The following CDH18 variants were observed in gnomAD, a reference collection of about 807,000 sequenced individuals.
The protein encoded by CDH18 is cadherin-18.
CDH18 carries 31 observed loss-of-function variants against 67.9 expected under a neutral mutation model. The observed-to-expected ratio is 0.46, with a 90% CI of 0.34 to 0.62. The LOEUF (loss-of-function observed/expected upper bound fraction) is 0.62. Among genes scored for constraint, CDH18 ranks in the 20% least tolerant of loss-of-function variants. CDH18 has a pLI of 0.01. For missense variants in CDH18, 890 were observed against 975.5 expected, an observed-to-expected ratio of 0.91 and a Z score of 1.17; for synonymous variants, 362 against 347.2, an observed-to-expected ratio of 1.04 and a Z score of -0.48.
chr5:20,181,673 A>G (rs904352879), intron 2 of CDH18, among the ~76,000 whole-genome samples: 4 of 152,154 alleles, frequency 2.6e-5, no homozygotes, highest in African/African-American at 9.6e-5. Flanking sequence ...TCAAGTGAAC[A>G]ACACCAATAA....
intron 5 of CDH18, among the ~76,000 whole-genome samples, chr5:19,687,401 A>C (rs545742557): frequency 2.0e-5 from 3 of 152,320 alleles, no homozygotes; most frequent in South Asian, 4.1e-4. Flanking sequence ...CTTGTCTTAC[A>C]TTCACACAGA....
At chr5:20,201,898 T>C (rs1739478546) in intron 2 of CDH18, among the ~76,000 whole-genome samples, 1 of 152,172 alleles carries the variant, frequency 6.6e-6, no homozygotes, top group Non-Finnish European at 1.5e-5. Flanking sequence ...AAAGCAGTCA[T>C]CAGGAAAACA....
chr5:19,546,601 T>C (rs961846284), intron 8 of CDH18, among the ~76,000 whole-genome samples: 1 of 152,170 alleles, frequency 6.6e-6, no homozygotes, highest in African/African-American at 2.4e-5. Context: ...AAATTCATCA[T>C]ACTTTCTAGA....
At chr5:19,950,992 G>A (rs575384536) in intron 2 of CDH18, among the ~76,000 whole-genome samples, 1 of 152,260 alleles carries the variant, frequency 6.6e-6, no homozygotes, top group East Asian at 1.9e-4. Flanking sequence ...TTCAATGGCA[G>A]TGATTGGCTA....
chr5:20,552,898 G>C (rs1255078763), intron 1 of CDH18, among the ~76,000 whole-genome samples: 1 of 151,982 alleles, frequency 6.6e-6, no homozygotes, highest in African/African-American at 2.4e-5. Flanking sequence ...GAGACTACAG[G>C]CGTGCTCCAT....
intron 1 of CDH18, among the ~76,000 whole-genome samples, chr5:20,396,794 T>C (rs1370955940): frequency 6.6e-6 from 1 of 152,204 alleles, no homozygotes. Context: ...TGATATCACA[T>C]TATAGATTTA....
chr5:19,755,422 A>T (rs1258317999), intron 3 of CDH18, among the ~76,000 whole-genome samples: 1 of 32,820 alleles, frequency 3.0e-5, no homozygotes, highest in African/African-American at 5.7e-5. Context: ...GACAGAACTA[A>T]CAGGGTATGT....
chr5:20,448,404 A>G (rs1008360823), intron 1 of CDH18, among the ~76,000 whole-genome samples: 3 of 152,098 alleles, frequency 2.0e-5, no homozygotes, highest in Admixed American at 1.3e-4. Context: ...CATGACAGAT[A>G]TTCTTTATGT....
chr5:20,065,288 G>T (rs1057146655), intron 2 of CDH18, among the ~76,000 whole-genome samples: 1 of 151,726 alleles, frequency 6.6e-6, no homozygotes, highest in Non-Finnish European at 1.5e-5. Context: ...TTCATTTAAA[G>T]GTTTTATGTT....
chr5:20,230,206 T>C (rs1054969719), intron 2 of CDH18, among the ~76,000 whole-genome samples: 1 of 152,148 alleles, frequency 6.6e-6, no homozygotes, highest in Non-Finnish European at 1.5e-5. Context: ...AAGCCCTTTG[T>C]GTATCAATGT....
chr5:20,143,505 C>T (rs1459697830), intron 2 of CDH18, among the ~76,000 whole-genome samples: 1 of 152,074 alleles, frequency 6.6e-6, no homozygotes, highest in East Asian at 1.9e-4. Flanking sequence ...GTAGCTGGGA[C>T]TATACGCATG....
chr5:19,986,209 A>C (rs1799539015), intron 1 of CDH18, among the ~76,000 whole-genome samples: 1 of 152,234 alleles, frequency 6.6e-6, no homozygotes. Flanking sequence ...CATTGAGAGG[A>C]ATAATAATTT....
chr5:20,245,670 TTGAGA>T (rs780121770), intron 2 of CDH18, among the ~76,000 whole-genome samples: 9 of 152,104 alleles, frequency 5.9e-5, no homozygotes, highest in Non-Finnish European at 1.0e-4. Context: ...AGGATATGAT[TTGAGA>T]TAAGTCAGTG....
At chr5:19,605,493 T>G (rs995342731) in intron 6 of CDH18, among the ~76,000 whole-genome samples, 1 of 152,024 alleles carries the variant, frequency 6.6e-6, no homozygotes, top group Non-Finnish European at 1.5e-5. Context: ...TTTAGCCACA[T>G]AGAATACAAA....
intron 2 of CDH18, among the ~76,000 whole-genome samples, chr5:20,207,692 A>G (rs1740016314): frequency 6.6e-6 from 1 of 152,236 alleles, no homozygotes; most frequent in Admixed American, 6.6e-5. Context: ...CCCTCCCACA[A>G]CATGTGAAAA....
At position 19,969,564 on chromosome 5, in the gene CDH18, A is replaced by G. The variant is rs1167938423; in HGVS notation, c.-257+11496T>C. Reference sequence around the variant, plus strand: ...TTGTAGGGACATGGATGAAATTGGAAATCATCATTCTCAGTAAACTATCAC... The same window carrying G: ...TTGTAGGGACATGGATGAAATTGGAGATCATCATTCTCAGTAAACTATCAC... On this transcript the variant is annotated intron_variant, in intron 2 of 12. Coordinates refer to ENST00000382275, the MANE Select transcript of CDH18 (RefSeq NM_004934.5). 2.5e-4 allele frequency among the ~76,000 whole-genome samples: 37 copies of G among 150,878 alleles called. No homozygotes were observed. The East Asian group carries it at 6.6e-3, about 27-fold the overall frequency.
intron 2 of CDH18, among the ~76,000 whole-genome samples, chr5:20,057,954 T>C (rs2150503738): frequency 6.6e-6 from 1 of 152,262 alleles, no homozygotes; most frequent in Admixed American, 6.5e-5. Context: ...TTAAAGACCC[T>C]TTCACCATTA....
intron 2 of CDH18, among the ~76,000 whole-genome samples, chr5:20,152,953 T>TC (rs1453948749): frequency 6.6e-6 from 1 of 150,962 alleles, no homozygotes; most frequent in Non-Finnish European, 1.5e-5. Flanking sequence ...TTTTTTTTTT[T>TC]TTTTTTTGAG....
In CDH18 at chr5:20,348,008, G is replaced by A. The variant is rs914495384; in HGVS notation, c.-579-92503C>T. Among the ~76,000 whole-genome samples, 3 of 152,144 alleles carry A rather than the reference G, an allele frequency of 2.0e-5. No individual in the cohort carries two copies. In the East Asian group the frequency reaches 5.8e-4, roughly 29 times the overall value. ...CATGTCTCATTCTTCTTGGTTGTGG[G>A]ACAAGAATTTGGACTTAGCTGTACT... On this transcript the variant is annotated intron_variant, in intron 1 of 14. Coordinates refer to the CDH18 transcript ENST00000507958.
Sources: allele counts gnomAD v4.1 joint callset (sites outside exome capture counted in the v4.1 genomes callset), GRCh38; gene constraint gnomAD v4.1.1; transcripts MANE v1.5; gene names NCBI Gene and HGNC (gene_info 2026-07-23, HGNC 2026-07-21).